Variants in SH3BGRL observed in about 807,000 individuals in gnomAD.
SH3BGRL encodes the protein adapter SH3BGRL.
SH3BGRL carries 7 observed loss-of-function variants against 9.8 expected under a neutral mutation model. That is an observed-to-expected ratio of 0.72 (90% CI 0.41 to 1.35). The LOEUF is 1.35. Among genes scored for constraint, SH3BGRL ranks in the 40% most tolerant of loss-of-function variants. The probability of loss-of-function intolerance (pLI) is 0.01; values close to 1 mark genes in which losing one functional copy is unlikely to be tolerated. For synonymous variants in SH3BGRL, 36 were observed against 29.1 expected, an observed-to-expected ratio of 1.24 and a Z score of -0.76; for missense variants, 73 against 84.4, an observed-to-expected ratio of 0.86 and a Z score of 0.53.
At chrX:81,248,388 G>A (rs1451563016) in intron 1 of SH3BGRL, among the ~76,000 whole-genome samples, 6 of 112,030 alleles carry the variant, frequency 5.4e-5, no homozygotes, top group Non-Finnish European at 7.5e-5. Flanking sequence ...CGATTTCAGC[G>A]GACCAGGCTG....
rs187835910 is a variant in SH3BGRL at position 81,291,076 on chromosome X, G to T, written c.313-6119G>T. 1.8e-4 allele frequency among the ~76,000 whole-genome samples: 20 copies of T among 111,821 alleles called. No homozygotes were observed. In the East Asian group the frequency reaches 5.7e-3, roughly 32 times the overall value. Reference sequence around the variant, plus strand: ...AAGCTTGTTCTATAAAATGAAGCAAGATGCATACTGTGACTTTAACATATT... The same window carrying T: ...AAGCTTGTTCTATAAAATGAAGCAATATGCATACTGTGACTTTAACATATT... On this transcript the variant is annotated intron_variant, in intron 3 of 3. Transcript: ENST00000373212.
intron 1 of SH3BGRL, among the ~76,000 whole-genome samples, chrX:81,241,274 T>C (rs1040061134): frequency 1.2e-4 from 13 of 112,063 alleles, no homozygotes; most frequent in African/African-American, 3.9e-4. Context: ...CGGGCCTGCA[T>C]GCACCCCTTG....
chrX:81,295,536 G>A (rs1341907704), intron 3 of SH3BGRL, among the ~76,000 whole-genome samples: 2 of 111,139 alleles, frequency 1.8e-5, no homozygotes, highest in Non-Finnish European at 3.8e-5. Context: ...CCTCGTCTTG[G>A]GTATGTCTTT....
At chrX:81,258,482 T>A (rs1281558965) in intron 1 of SH3BGRL, among the ~76,000 whole-genome samples, 1 of 112,515 alleles carries the variant, frequency 8.9e-6, no homozygotes, top group Non-Finnish European at 1.9e-5. Flanking sequence ...ATATTTCTGA[T>A]TTTATTTGAC....
intron 3 of SH3BGRL, among the ~76,000 whole-genome samples, chrX:81,294,515 G>A (rs1004609287): frequency 1.8e-5 from 2 of 110,442 alleles, no homozygotes; most frequent in Non-Finnish European, 3.8e-5. Context: ...TCTCTGCCTA[G>A]ATTTCAGAGG....
At chrX:81,290,040 C>T (rs1983263518) in intron 3 of SH3BGRL, among the ~76,000 whole-genome samples, 1 of 111,891 alleles carries the variant, frequency 8.9e-6, no homozygotes, top group African/African-American at 3.2e-5. Context: ...AATCTCACCT[C>T]AGTTAATATG....
chrX:81,286,873 T>C lies in SH3BGRL; in HGVS notation c.312+8462T>C, dbSNP rs747080175. Among the ~76,000 whole-genome samples, 4 of 111,493 alleles carry C rather than the reference T, an allele frequency of 3.6e-5. No individual in the cohort carries two copies. The South Asian group carries it at 1.5e-3, about 41-fold the overall frequency. ...CTGACAATTTGCTTGTAGGCACTAA[T>C]AAGGAGTTCAGATAAATTCACATAT... On this transcript the variant is annotated intron_variant, in intron 3 of 3. Transcript: ENST00000373212.
chrX:81,215,634 A>T (rs1453140536), intron 1 of SH3BGRL, among the ~76,000 whole-genome samples: 1 of 111,053 alleles, frequency 9.0e-6, no homozygotes, highest in Non-Finnish European at 1.9e-5. Context: ...GCCTGTTGAT[A>T]AGCTGCCTCA....
At chrX:81,268,280 C>T (rs369591286) in intron 1 of SH3BGRL, among the ~76,000 whole-genome samples, 1 of 110,517 alleles carries the variant, frequency 9.0e-6, no homozygotes, top group East Asian at 2.8e-4. Flanking sequence ...TTTGTTTGCT[C>T]TTTCTTCTCT....
At chrX:81,250,315 G>A (rs1373100507) in intron 1 of SH3BGRL, among the ~76,000 whole-genome samples, 5 of 108,359 alleles carry the variant, frequency 4.6e-5, no homozygotes, top group East Asian at 2.9e-4. Flanking sequence ...CAGGAGAATC[G>A]CTTGAACCCG....
At chrX:81,286,028 G>T (rs370254447) in intron 3 of SH3BGRL, among the ~76,000 whole-genome samples, 23 of 111,815 alleles carry the variant, frequency 2.1e-4, no homozygotes, top group East Asian at 1.4e-3. Context: ...ATAAGGCAAA[G>T]AATCCTTCTG....
intron 1 of SH3BGRL, among the ~76,000 whole-genome samples, chrX:81,254,923 G>A (rs1304283259): frequency 2.1e-5 from 2 of 97,163 alleles, no homozygotes; most frequent in African/African-American, 7.9e-5. Flanking sequence ...ATGGAGTCTC[G>A]CTCTGTTGCC....
At chrX:81,204,803 C>G (rs2075541078) in intron 1 of SH3BGRL, among the ~76,000 whole-genome samples, 1 of 112,153 alleles carries the variant, frequency 8.9e-6, no homozygotes, top group Admixed American at 9.4e-5. Flanking sequence ...GCCTGGGCAA[C>G]AGAGCGAGAC....
chrX:81,215,072 C>T (rs1249194846), intron 1 of SH3BGRL, among the ~76,000 whole-genome samples: 1 of 110,270 alleles, frequency 9.1e-6, no homozygotes, highest in Non-Finnish European at 1.9e-5. Context: ...GAATACTATT[C>T]AAGAAAGAAG....
chrX:81,246,755 TTTG>T (rs1415556290), intron 1 of SH3BGRL, among the ~76,000 whole-genome samples: 1 of 111,469 alleles, frequency 9.0e-6, no homozygotes, highest in African/African-American at 3.3e-5. Context: ...CGCTTCTGGC[TTTG>T]TTGTTTTTGC....
At chrX:81,283,123 G>T (rs1291753979) in intron 3 of SH3BGRL, among the ~76,000 whole-genome samples, 2 of 111,588 alleles carry the variant, frequency 1.8e-5, no homozygotes, top group African/African-American at 6.5e-5. Context: ...AAATCAGAAA[G>T]AATCAGATAC....
chrX:81,295,391 C>T (rs192548907), intron 3 of SH3BGRL, among the ~76,000 whole-genome samples: 1 of 111,418 alleles, frequency 9.0e-6, no homozygotes, highest in African/African-American at 3.3e-5. Flanking sequence ...TTGGTTTTAT[C>T]CGGCGTTTTC....
rs1205899554 is a variant in SH3BGRL at position 81,226,526 on chromosome X, A to ATC, written c.45+24291_45+24292dup. Among the ~76,000 whole-genome samples, 32 of 102,418 alleles carry ATC rather than the reference A, an allele frequency of 3.1e-4. No homozygotes were observed. In the East Asian group the frequency reaches 5.1e-3, roughly 16 times the overall value. 88.9% of individuals were successfully genotyped at this position (102,418 alleles called of 115,157 possible). Reference sequence around the variant, plus strand: ...TATATATCTATATATATATATCTATATCTCTCTCTCTATATATATATATAT... The same window carrying ATC: ...TATATATCTATATATATATATCTATATCTCTCTCTCTCTATATATATATATAT... On this transcript the variant is annotated intron_variant, in intron 1 of 3. Coordinates refer to ENST00000373212, the MANE Select transcript of SH3BGRL (RefSeq NM_003022.3).
chrX:81,231,505 A>G (rs2075632817), intron 1 of SH3BGRL, among the ~76,000 whole-genome samples: 1 of 112,592 alleles, frequency 8.9e-6, no homozygotes, highest in Non-Finnish European at 1.9e-5. Flanking sequence ...TTTTAAATCA[A>G]TTCCGTCTGA....
Sources: gnomAD v4.1 joint callset for allele counts (sites outside exome capture counted in the v4.1 genomes callset) on GRCh38, gnomAD v4.1.1 for gene constraint, MANE v1.5 for transcripts, NCBI Gene and HGNC (gene_info 2026-07-23, HGNC 2026-07-21) for gene names.